The following FGF14 variants were observed in gnomAD, a reference collection of about 807,000 sequenced individuals.
The protein encoded by FGF14 is fibroblast growth factor 14.
FGF14 carries 5 observed loss-of-function variants against 25.5 expected under a neutral mutation model. The ratio of observed to expected loss-of-function variants is 0.20; its 90% confidence interval spans 0.10 to 0.41. The LOEUF (loss-of-function observed/expected upper bound fraction) is 0.41. Ranked by LOEUF, FGF14 falls within the 10% of genes least tolerant of loss-of-function variation. FGF14 has a pLI of 1.00. For missense variants in FGF14, 222 were observed against 320.1 expected, an observed-to-expected ratio of 0.69 and a Z score of 2.34; for synonymous variants, 138 against 118.3, an observed-to-expected ratio of 1.17 and a Z score of -1.08.
chr13:101,810,550 G>A (rs2041448352), intron 3 of FGF14, among the ~76,000 whole-genome samples: 2 of 152,056 alleles, frequency 1.3e-5, no homozygotes, highest in South Asian at 2.1e-4. Context: ...CTCCTGCTTC[G>A]CTGACATGCA....
Position 102,297,955 on chromosome 13 carries a change from G to A in FGF14, c.208+103516C>T, listed in dbSNP as rs1455028432. On this transcript the variant is annotated intron_variant, in intron 1 of 4. Transcript: ENST00000376131. ...GATGCCCTCACAGAATGTGCATGCA[G>A]GGAAGTTCTCGTCTCAACAACACAT... 3.9e-5 allele frequency among the ~76,000 whole-genome samples: 6 copies of A among 152,196 alleles called. No homozygotes were observed. The East Asian group carries it at 7.7e-4, about 20-fold the overall frequency.
chr13:101,725,223 T>C (rs2035332873), intron 4 of FGF14, among the ~76,000 whole-genome samples: 2 of 152,072 alleles, frequency 1.3e-5, no homozygotes, highest in African/African-American at 2.4e-5. Context: ...TAAATATAGG[T>C]GAGTCCAATG....
chr13:102,156,724 C>T (rs1184242510), intron 1 of FGF14, among the ~76,000 whole-genome samples: 1 of 152,066 alleles, frequency 6.6e-6, no homozygotes, highest in Non-Finnish European at 1.5e-5. Flanking sequence ...TCAAATTGTC[C>T]CTGTTTGCAG....
intron 1 of FGF14, among the ~76,000 whole-genome samples, chr13:102,237,795 T>C (rs1219881547): frequency 6.6e-6 from 1 of 152,154 alleles, no homozygotes; most frequent in Non-Finnish European, 1.5e-5. Context: ...GAGTTTAAAA[T>C]GACAAATCTA....
intron 1 of FGF14, among the ~76,000 whole-genome samples, chr13:102,211,670 C>A (rs748046969): frequency 6.6e-6 from 1 of 152,182 alleles, no homozygotes; most frequent in Non-Finnish European, 1.5e-5. Context: ...GGCTCTCAAA[C>A]CTACTTCACA....
At chr13:101,803,089 T>C (rs1399645163) in intron 3 of FGF14, among the ~76,000 whole-genome samples, 1 of 152,022 alleles carries the variant, frequency 6.6e-6, no homozygotes, top group Non-Finnish European at 1.5e-5. Context: ...GCGTGAAAAT[T>C]GTTTGGATTT....
chr13:102,116,992 A>G lies in FGF14; in HGVS notation c.209-241696T>C, dbSNP rs1484140417. On this transcript the variant is annotated intron_variant, in intron 1 of 4. Coordinates refer to the FGF14 transcript ENST00000376131. The stretch of plus-strand genomic sequence containing the variant: ...AGTCTACCCCTCACTCCACCTGCAG[A>G]CAGGCTCCCACTCCCCTGTCCTTGG... Among the ~76,000 whole-genome samples, 6 of 152,206 alleles carry G rather than the reference A, an allele frequency of 3.9e-5. 1 individual carries two copies. In the East Asian group the frequency reaches 1.2e-3, roughly 29 times the overall value.
intron 1 of FGF14, chr13:102,299,946 G>C (rs1261746207): frequency 1.3e-5 from 2 of 152,100 alleles, no homozygotes; most frequent in African/African-American, 2.4e-5. Flanking sequence ...AAAGTTCGCT[G>C]ATCTTATCCC....
chr13:101,817,936 T>G (rs912714522), intron 3 of FGF14, among the ~76,000 whole-genome samples: 1 of 152,240 alleles, frequency 6.6e-6, no homozygotes, highest in Non-Finnish European at 1.5e-5. Flanking sequence ...CGTACGATTG[T>G]GTACAACAGA....
At chr13:101,782,531 C>G (rs1235704485) in intron 3 of FGF14, among the ~76,000 whole-genome samples, 3 of 152,146 alleles carry the variant, frequency 2.0e-5, no homozygotes, top group Admixed American at 2.0e-4. Flanking sequence ...GATCCTCTCC[C>G]TCCTCCTACC....
intron 1 of FGF14, among the ~76,000 whole-genome samples, chr13:102,275,262 T>TTTC (rs2053473719): frequency 7.2e-5 from 5 of 68,986 alleles, no homozygotes; most frequent in Admixed American, 3.9e-4. Context: ...CTCTCTCTCT[T>TTTC]TCTCTCTCTC....
chr13:101,721,633 C>A lies in FGF14; in HGVS notation c.*1198G>T, dbSNP rs1215471824. 2 of 152,126 alleles carry A rather than the reference C, an allele frequency of 1.3e-5. No individual in the cohort carries two copies. Among genetic ancestry groups the A allele is most frequent in the South Asian group, 4.1e-4 (2 of 4,820 alleles). The allele number at this position is 152,126 out of a possible 1,614,324, so 9.4% of individuals were successfully genotyped here. On this transcript the variant is annotated 3_prime_UTR_variant, in exon 5 of 5. Transcript: ENST00000376143. Reference sequence around the variant, plus strand: ...TAATATGTCCAGTTTAAAAACTTGTCATTAAACACCAAAAATATTAAAGTC... The same window carrying A: ...TAATATGTCCAGTTTAAAAACTTGTAATTAAACACCAAAAATATTAAAGTC...
intron 1 of FGF14, among the ~76,000 whole-genome samples, chr13:102,076,321 A>G (rs1301731731): frequency 1.3e-5 from 2 of 152,204 alleles, no homozygotes; most frequent in Non-Finnish European, 2.9e-5. Context: ...TAGATACACA[A>G]TCACTTAACA....
intron 3 of FGF14, among the ~76,000 whole-genome samples, chr13:101,748,832 A>G (rs2037074874): frequency 6.6e-6 from 1 of 151,858 alleles, no homozygotes; most frequent in Admixed American, 6.6e-5. Context: ...CAAAGAATTG[A>G]AAACAGGGAG....
At chr13:101,788,891 TATATATATATATATATATAGAGAG>T (rs2040022955) in intron 3 of FGF14, among the ~76,000 whole-genome samples, 1 of 47,042 alleles carries the variant, frequency 2.1e-5, no homozygotes, top group South Asian at 1.1e-3. Context: ...TATATATATA[TATATATATATATATATATAGAGAG>T]AGAGAGAGAG....
intron 1 of FGF14, among the ~76,000 whole-genome samples, chr13:102,163,839 C>A (rs751510683): frequency 5.9e-5 from 9 of 151,974 alleles, no homozygotes; most frequent in South Asian, 4.2e-4. Flanking sequence ...CTTGCCCCCC[C>A]CAGAAAACAT....
At chr13:102,112,543 T>G (rs1050494802) in intron 1 of FGF14, among the ~76,000 whole-genome samples, 1 of 152,232 alleles carries the variant, frequency 6.6e-6, no homozygotes, top group African/African-American at 2.4e-5. Context: ...AATTAACCAT[T>G]TATTCATTCA....
Position 102,400,012 on chromosome 13 carries a change from C to A in FGF14, c.208+1459G>T, listed in dbSNP as rs1351150085. 6.6e-6 allele frequency among the ~76,000 whole-genome samples: 1 copy of A among 152,150 alleles called. No individual in the cohort carries two copies. Among genetic ancestry groups the A allele is most frequent in the East Asian group, 1.9e-4 (1 of 5,168 alleles). ...TCTCCTTTGCTGCAGGAATGGTGGC[C>A]GCAAACGGTCTCAGCCTCCGCACCC... is the stretch of plus-strand genomic sequence containing the variant. On this transcript the variant is annotated intron_variant, in intron 1 of 4. Coordinates refer to the FGF14 transcript ENST00000376131. The surrounding 1 kb of genome is among the most constrained non-coding windows in gnomAD (Gnocchi z 4.3).
At chr13:101,948,509 T>G (rs1186588009) in intron 1 of FGF14, among the ~76,000 whole-genome samples, 1 of 150,822 alleles carries the variant, frequency 6.6e-6, no homozygotes, top group African/African-American at 2.4e-5. Flanking sequence ...GTATACTACA[T>G]TTTCACTATG....
Sources: gnomAD v4.1 joint callset for allele counts (sites outside exome capture counted in the v4.1 genomes callset) on GRCh38, gnomAD v4.1.1 for gene constraint, Gnocchi (gnomAD v3.1) non-coding constraint, MANE v1.5 for transcripts, NCBI Gene and HGNC (gene_info 2026-07-23, HGNC 2026-07-21) for gene names.